The following MTMR7 variants were observed in gnomAD, a reference collection of about 807,000 sequenced individuals.
The protein encoded by MTMR7 is phosphatidylinositol-3-phosphate phosphatase MTMR7.
MTMR7 carries 76 observed loss-of-function variants against 81.2 expected under a neutral mutation model. The ratio of observed to expected loss-of-function variants is 0.94; its 90% CI spans 0.78 to 1.13. The LOEUF is 1.13. MTMR7 is among the 50% of genes most tolerant of loss of function. MTMR7 has a pLI of 0.00. For missense variants in MTMR7, 1,044 were observed against 820.0 expected (o/e 1.27, Z -3.34); for synonymous variants, 372 against 289.8 (o/e 1.28, Z -2.88).
intron 1 of MTMR7, among the ~76,000 whole-genome samples, chr8:17,394,140 C>T (rs1278242390): frequency 6.6e-6 from 1 of 152,138 alleles, no homozygotes; most frequent in Non-Finnish European, 1.5e-5. Flanking sequence ...CTGTTAGCCT[C>T]TCAACAGATT....
chr8:17,355,809 C>T (rs1218765913), intron 4 of MTMR7, among the ~76,000 whole-genome samples: 1 of 152,140 alleles, frequency 6.6e-6, no homozygotes, highest in Non-Finnish European at 1.5e-5. Context: ...GAAGAGTCAA[C>T]ATGAACAGCC....
At chr8:17,355,652 C>T (rs560673113) in intron 4 of MTMR7, among the ~76,000 whole-genome samples, 1 of 151,278 alleles carries the variant, frequency 6.6e-6, no homozygotes, top group Admixed American at 6.6e-5. Flanking sequence ...AAACTTGGAA[C>T]AGTGTATCAG....
intron 2 of MTMR7, 25 bp downstream of exon 2, chr8:17,373,093 A>T: frequency 6.2e-7 from 1 of 1,609,510 alleles, no homozygotes; most frequent in Non-Finnish European, 8.5e-7. Flanking sequence ...CAAAACAAGG[A>T]AAGCTAAAAA....
chr8:17,338,389 G>A (rs1017840036), intron 6 of MTMR7, among the ~76,000 whole-genome samples: 11 of 152,154 alleles, frequency 7.2e-5, no homozygotes, highest in African/African-American at 2.4e-4. Flanking sequence ...AAAATTAGTA[G>A]GTGAATCTGT....
At chr8:17,323,347 A>C (rs890248828) in intron 7 of MTMR7, among the ~76,000 whole-genome samples, 3 of 152,078 alleles carry the variant, frequency 2.0e-5, no homozygotes, top group Non-Finnish European at 4.4e-5. Flanking sequence ...TCCACTTTCC[A>C]TATTATTTTC....
At chr8:17,405,320 A>C (rs1821545699) in intron 1 of MTMR7, among the ~76,000 whole-genome samples, 1 of 152,180 alleles carries the variant, frequency 6.6e-6, no homozygotes, top group Non-Finnish European at 1.5e-5. Context: ...TCTGGGTCAG[A>C]GACAAAGGAC....
At chr8:17,317,974 G>A (rs1300229968) in intron 7 of MTMR7, among the ~76,000 whole-genome samples, 2 of 152,068 alleles carry the variant, frequency 1.3e-5, no homozygotes, top group South Asian at 4.2e-4. Flanking sequence ...GTTATTATAT[G>A]TTGTGTTTAA....
intron 7 of MTMR7, among the ~76,000 whole-genome samples, chr8:17,320,744 C>A (rs970076700): frequency 1.6e-4 from 25 of 152,262 alleles, no homozygotes; most frequent in African/African-American, 5.3e-4. Flanking sequence ...CCAGACAGGC[C>A]CTCCAAGCAT....
chr8:17,357,383 T>A (rs932828210), intron 4 of MTMR7, among the ~76,000 whole-genome samples: 2 of 152,222 alleles, frequency 1.3e-5, no homozygotes, highest in Non-Finnish European at 2.9e-5. Flanking sequence ...TGTTACCATG[T>A]TGAGTGAAAA....
intron 9 of MTMR7, 66 bp downstream of exon 9, chr8:17,311,445 G>T: frequency 6.2e-7 from 1 of 1,602,304 alleles, no homozygotes; most frequent in Non-Finnish European, 8.5e-7. Context: ...GCCAGTAGTT[G>T]TAAAAACAGG....
At chr8:17,382,675 G>A (rs1820795554) in intron 1 of MTMR7, among the ~76,000 whole-genome samples, 1 of 152,164 alleles carries the variant, frequency 6.6e-6, no homozygotes, top group Non-Finnish European at 1.5e-5. Flanking sequence ...CCCTTGGTCA[G>A]AAAGTGCCTG....
chr8:17,300,439 T>C (rs956414309), intron 13 of MTMR7, among the ~76,000 whole-genome samples: 2 of 152,206 alleles, frequency 1.3e-5, no homozygotes, highest in Admixed American at 6.5e-5. Context: ...TGCCTTGACA[T>C]AGGTTTTCTA....
Position 17,313,356 on chromosome 8 carries a change from A to T in MTMR7, c.911T>A (p.Leu304Gln). The change falls in exon 8 of 14, where the codon CTG becomes CAG. Residue 304 changes from leucine to glutamine, a missense_variant. By Grantham distance (113) the Leu-to-Gln change is moderately radical. Coordinates refer to ENST00000180173, the MANE Select transcript of MTMR7 (RefSeq NM_004686.5). ...SPSMSDFLWG[L>Q]ENSGWLRHIK... is the part of the protein sequence containing the mutation. ...GTGCCTTAACCAGCCAGAGTTCTCC[A>T]GACCCCACAGGAAATCACTCATGGA... 6.2e-7 allele frequency: 1 copy of T among 1,613,130 alleles called. No individual in the cohort carries two copies. The highest frequency in any genetic ancestry group is 8.5e-7 in the Non-Finnish European group (1 of 1,179,280).
intron 6 of MTMR7, among the ~76,000 whole-genome samples, chr8:17,333,579 G>A (rs1274565579): frequency 6.6e-6 from 1 of 152,208 alleles, no homozygotes; most frequent in Non-Finnish European, 1.5e-5. Flanking sequence ...GCCAGGCACA[G>A]TGGCTCATGC....
Position 17,305,805 on chromosome 8 carries a change from T to C in MTMR7, c.1304A>G (p.Gln435Arg). Residue 435 changes from glutamine (Q) to arginine (R), a missense_variant, in exon 11 of 14, where the codon CAG becomes CGG. Physicochemically the swap from Gln to Arg is conservative, Grantham distance 43 (BLOSUM62 1). Coordinates refer to ENST00000180173, the MANE Select transcript of MTMR7 (RefSeq NM_004686.5). ...GCTGTTACATAGGAAGTTTCCAAAC[T>C]GGCAGGAATAAATGTGATGTTGAAT... ...IHIQHHIYSC[Q>R]FGNFLCNSQK... 6.2e-7 allele frequency: 1 copy of C among 1,613,614 alleles called. No homozygotes were observed. The highest frequency in any genetic ancestry group is 8.5e-7 in the Non-Finnish European group (1 of 1,179,658).
At chr8:17,386,659 C>A (rs12549959) in intron 1 of MTMR7, among the ~76,000 whole-genome samples, 41,445 of 149,004 alleles carry the variant, frequency 0.28, 6,849 homozygotes, top group Non-Finnish European at 0.39. Context: ...GCTCCAGTTG[C>A]CCCTGTCCCA....
At chr8:17,401,200 T>G (rs1385889953) in intron 1 of MTMR7, among the ~76,000 whole-genome samples, 1 of 152,136 alleles carries the variant, frequency 6.6e-6, no homozygotes, top group Non-Finnish European at 1.5e-5. Context: ...TGAGGTGAGT[T>G]AGGATTGTTA....
chr8:17,299,642 ATGG>A lies in MTMR7; in HGVS notation c.*217_*219del. On this transcript the variant is annotated 3_prime_UTR_variant, in exon 14 of 14. Coordinates refer to ENST00000180173, the MANE Select transcript of MTMR7 (RefSeq NM_004686.5). Reference sequence around the variant, plus strand: ...TTCATAGTCTAGGGTGAGCTTCAAAATGGTGAATAATTTTCCTTATATTTGATA... The same window carrying A: ...TTCATAGTCTAGGGTGAGCTTCAAAATGAATAATTTTCCTTATATTTGATA... 1.7e-6 allele frequency: 1 copy of A among 587,868 alleles called. No homozygotes were observed. The highest frequency in any genetic ancestry group is 2.9e-6 in the Non-Finnish European group (1 of 342,082). The allele number at this position is 587,868 out of a possible 1,614,324, so 36.4% of individuals were successfully genotyped here.
chr8:17,383,297 C>A (rs1224018985), intron 1 of MTMR7, among the ~76,000 whole-genome samples: 1 of 152,152 alleles, frequency 6.6e-6, no homozygotes, highest in African/African-American at 2.4e-5. Context: ...CCTTTTAACC[C>A]TTCCCTCAAG....
Sources: allele counts gnomAD v4.1 joint callset (sites outside exome capture counted in the v4.1 genomes callset), GRCh38; gene constraint gnomAD v4.1.1; transcripts MANE v1.5; gene names NCBI Gene and HGNC (gene_info 2026-07-23, HGNC 2026-07-21).